Variants in BCHE observed in about 807,000 individuals in gnomAD.
BCHE encodes cholinesterase.
Under a neutral mutation model 51.3 loss-of-function variants are expected in BCHE, and 48 were observed. That is an observed-to-expected ratio of 0.94 (90% CI 0.74 to 1.19). The LOEUF is 1.19. Ranked by LOEUF, BCHE falls within the 50% of genes most tolerant of loss-of-function variation. The pLI, the probability that BCHE is intolerant of heterozygous loss-of-function variation, is 0.00. For synonymous variants in BCHE, 251 were observed against 238.0 expected (o/e 1.05, Z -0.50); for missense variants, 847 against 708.2 (o/e 1.20, Z -2.23).
At chr3:165,809,709 C>T (rs1714019273) in intron 2 of BCHE, among the ~76,000 whole-genome samples, 1 of 152,026 alleles carries the variant, frequency 6.6e-6, no homozygotes, top group African/African-American at 2.4e-5. Context: ...TTTCATAACA[C>T]AAGGGTAGCT....
intron 3 of BCHE, among the ~76,000 whole-genome samples, chr3:165,784,895 C>T (rs1712884256): frequency 6.6e-6 from 1 of 151,624 alleles, no homozygotes; most frequent in Non-Finnish European, 1.5e-5. Flanking sequence ...CTCTTTGGGT[C>T]TCTTGGCATA....
chr3:165,783,125 C>A (rs987691449), intron 3 of BCHE, among the ~76,000 whole-genome samples: 1 of 123,358 alleles, frequency 8.1e-6, no homozygotes, highest in African/African-American at 4.4e-5. Flanking sequence ...CAACAACATT[C>A]TTCATGTATT....
At chr3:165,789,383 C>T (rs1713084771) in intron 2 of BCHE, among the ~76,000 whole-genome samples, 1 of 151,834 alleles carries the variant, frequency 6.6e-6, no homozygotes, top group Admixed American at 6.6e-5. Flanking sequence ...GTTGATAACT[C>T]ATTTTATGAA....
At chr3:165,819,746 A>AAGAG (rs1714443938) in intron 2 of BCHE, among the ~76,000 whole-genome samples, 1 of 31,078 alleles carries the variant, frequency 3.2e-5, no homozygotes, top group Admixed American at 4.1e-4. Flanking sequence ...AAATTCAATA[A>AAGAG]ATAATCATTA....
intron 2 of BCHE, among the ~76,000 whole-genome samples, chr3:165,794,181 G>T (rs891003952): frequency 6.6e-6 from 1 of 152,002 alleles, no homozygotes; most frequent in African/African-American, 2.4e-5. Flanking sequence ...ATTAATCCGT[G>T]AATGCATTAC....
chr3:165,799,803 C>A (rs1024460590), intron 2 of BCHE, among the ~76,000 whole-genome samples: 7 of 151,818 alleles, frequency 4.6e-5, no homozygotes, highest in Non-Finnish European at 1.0e-4. Context: ...TGGTGAAAAC[C>A]TTTAACCAAA....
chr3:165,783,894 C>G (rs904423757), intron 3 of BCHE, among the ~76,000 whole-genome samples: 3 of 151,922 alleles, frequency 2.0e-5, no homozygotes, highest in African/African-American at 7.2e-5. Flanking sequence ...GCAATAACAG[C>G]ATAGCCATGT....
intron 2 of BCHE, among the ~76,000 whole-genome samples, chr3:165,822,132 C>T (rs1377736242): frequency 8.6e-5 from 13 of 151,784 alleles, no homozygotes; most frequent in Admixed American, 8.6e-4. Context: ...CATGTCAGAA[C>T]ATTTATTCCT....
intron 2 of BCHE, among the ~76,000 whole-genome samples, chr3:165,819,547 A>G (rs889802632): frequency 1.3e-5 from 2 of 152,160 alleles, no homozygotes; most frequent in African/African-American, 4.8e-5. Flanking sequence ...AAGTGACACT[A>G]CTTTTTATAT....
chr3:165,828,666 T>G (rs1373183997), intron 2 of BCHE, among the ~76,000 whole-genome samples: 1 of 152,148 alleles, frequency 6.6e-6, no homozygotes, highest in Non-Finnish European at 1.5e-5. Flanking sequence ...TTTTTTTAAA[T>G]TATTCACATT....
In BCHE at chr3:165,829,519, A is replaced by G. The variant is rs545580167; in HGVS notation, c.1515T>C (p.Tyr505=). The G allele has an allele frequency of 1.2e-6, 2 of 1,612,972 alleles. No individual in the cohort carries two copies. The highest frequency in any genetic ancestry group is 1.7e-6 in the Non-Finnish European group (2 of 1,179,184). The part of the protein sequence containing the change: ...IVKRWANFAK[Y]GNPNETQNNS... Reference sequence around the variant, plus strand: ...CAATGACAAAAATCAGCACTTACCCATATTTTGCAAAATTTGCCCACCGTT... The same window carrying G: ...CAATGACAAAAATCAGCACTTACCCGTATTTTGCAAAATTTGCCCACCGTT... The change falls in exon 2 of 4, where the codon TAT becomes TAC. Residue 505 remains tyrosine, a splice_region_variant and synonymous_variant. Transcript: ENST00000264381.
rs1411459023 is a variant in BCHE, at chr3:165,830,002, C to A, written c.1032G>T (p.Gln344His). ...LLELGQFKKT[Q>H]ILVGVNKDEG... is the part of the protein sequence containing the mutation. ...CATCTTTATTAACACCCACCAAAAT[C>A]TGGGTTTTTTTAAATTGTCCAAGTT... Residue 344 changes from glutamine to histidine, a missense_variant, in exon 2 of 4, where the codon CAG (glutamine) becomes CAT (histidine). Gln to His is a conservative substitution (Grantham distance 24, BLOSUM62 0). Coordinates refer to ENST00000264381, the MANE Select transcript of BCHE (RefSeq NM_000055.4). The A allele has an allele frequency of 6.2e-7, 1 of 1,613,752 alleles. No homozygotes were observed. Among genetic ancestry groups the A allele is most frequent in the South Asian group, 1.1e-5 (1 of 91,070 alleles).
At chr3:165,832,795 G>A (rs1484806984) in intron 1 of BCHE, among the ~76,000 whole-genome samples, 2 of 151,864 alleles carry the variant, frequency 1.3e-5, no homozygotes, top group African/African-American at 2.4e-5. Flanking sequence ...TTTTGTCTTT[G>A]TTTATTTAAT....
chr3:165,780,938 G>T (rs1576835156), intron 3 of BCHE, among the ~76,000 whole-genome samples: 1 of 151,982 alleles, frequency 6.6e-6, no homozygotes, highest in African/African-American at 2.4e-5. Context: ...TATAAATTAT[G>T]CAACTATAAA....
rs1440721102 is a variant in BCHE, at chr3:165,786,275, C to G, written c.1554G>C (p.Trp518Cys). 6.2e-7 allele frequency: 1 copy of G among 1,611,748 alleles called. No homozygotes were observed. The highest frequency in any genetic ancestry group is 1.1e-5 in the South Asian group (1 of 91,014). The stretch of plus-strand genomic sequence containing the variant: ...TTTGTTCAGTGCTTTTGAAGACAGG[C>G]CAGCTTGTGCTATTGTTCTGAGTCT... ...PNETQNNSTS[W>C]PVFKSTEQKY... Residue 518 changes from tryptophan to cysteine, a missense_variant, in exon 3 of 4, where the codon TGG (tryptophan) becomes TGC (cysteine). Coordinates refer to ENST00000264381, the MANE Select transcript of BCHE (RefSeq NM_000055.4).
intron 2 of BCHE, among the ~76,000 whole-genome samples, chr3:165,802,797 C>T (rs533319336): frequency 6.6e-6 from 1 of 151,794 alleles, no homozygotes; most frequent in South Asian, 2.1e-4. Context: ...GCTGGAGTAC[C>T]GTGGCGCGAT....
chr3:165,801,831 T>G (rs1713660587), intron 2 of BCHE, among the ~76,000 whole-genome samples: 2 of 152,164 alleles, frequency 1.3e-5, no homozygotes, highest in African/African-American at 4.8e-5. Context: ...TTTTGACAAA[T>G]GTATCCGTTT....
chr3:165,779,981 T>G (rs114042471), intron 3 of BCHE, among the ~76,000 whole-genome samples: 8,674 of 152,254 alleles, frequency 0.057, 330 homozygotes, highest in African/African-American at 0.091. Flanking sequence ...AGAAGAAAGC[T>G]GTAGGTATCA....
Position 165,830,228 on chromosome 3 carries a change from T to A in BCHE, c.806A>T (p.Asn269Ile). The change falls in exon 2 of 4, where the codon AAC becomes ATC. Residue 269 changes from asparagine to isoleucine, a missense_variant. Transcript: ENST00000264381. ...CAATTTAGCTAAGTTCAACGTTCTG[T>A]TCCTAGCTTCATAAAGAGATGTTAC... ...WAVTSLYEAR[N>I]RTLNLAKLTG... 1 of 1,614,022 alleles carries A rather than the reference T, an allele frequency of 6.2e-7. No homozygotes were observed. Among genetic ancestry groups the A allele is most frequent in the Non-Finnish European group, 8.5e-7 (1 of 1,179,920 alleles).
Sources: allele counts gnomAD v4.1 joint callset (sites outside exome capture counted in the v4.1 genomes callset), GRCh38; gene constraint gnomAD v4.1.1; transcripts MANE v1.5; gene names NCBI Gene and HGNC (gene_info 2026-07-23, HGNC 2026-07-21).